The following DLGAP2 variants were observed in gnomAD, a reference collection of about 807,000 sequenced individuals.
The protein encoded by DLGAP2 is DLG associated protein 2.
In DLGAP2, 26 loss-of-function variants were observed where a neutral mutation model predicts 100.3. The ratio of observed to expected loss-of-function variants is 0.26; its 90% CI spans 0.19 to 0.36. The LOEUF (loss-of-function observed/expected upper bound fraction) is 0.36, where lower values mean the gene tolerates loss of function less well. Among genes scored for constraint, DLGAP2 ranks in the 10% least tolerant of loss-of-function variants. The pLI is 1.00. For missense variants in DLGAP2, 1,858 were observed against 1,453.2 expected, an observed-to-expected ratio of 1.28 and a Z score of -4.53; for synonymous variants, 886 against 630.1, an observed-to-expected ratio of 1.41 and a Z score of -6.08.
chr8:1,076,093 C>T (rs995822679), intron 2 of DLGAP2, among the ~76,000 whole-genome samples: 7 of 152,054 alleles, frequency 4.6e-5, no homozygotes, highest in African/African-American at 1.7e-4. Context: ...TTCACAACAA[C>T]GTTATCTAGA....
At chr8:808,559 G>C (rs1457585972) in intron 1 of DLGAP2, among the ~76,000 whole-genome samples, 1 of 152,190 alleles carries the variant, frequency 6.6e-6, no homozygotes, top group Non-Finnish European at 1.5e-5. Flanking sequence ...GGGTGGGGTT[G>C]GTGCCTCTAG....
At chr8:1,166,870 A>C (rs1016267045) in intron 2 of DLGAP2, among the ~76,000 whole-genome samples, 3 of 152,192 alleles carry the variant, frequency 2.0e-5, no homozygotes, top group Non-Finnish European at 2.9e-5. Context: ...TAAGTAGCTT[A>C]TGAATTTTGA....
intron 2 of DLGAP2, among the ~76,000 whole-genome samples, chr8:920,840 C>A (rs2129001395): frequency 6.6e-6 from 1 of 152,272 alleles, no homozygotes; most frequent in East Asian, 1.9e-4. Flanking sequence ...TTCAGATACA[C>A]TTTGCCCGAA....
chr8:1,537,982 G>C (rs1435555171), intron 4 of DLGAP2, among the ~76,000 whole-genome samples: 1 of 152,152 alleles, frequency 6.6e-6, no homozygotes, highest in African/African-American at 2.4e-5. Context: ...GGAAGATACT[G>C]CGGGGGGAAC....
At position 1,260,339 on chromosome 8, in the gene DLGAP2, A is replaced by T. The variant is rs559017073; in HGVS notation, c.106+1456A>T. On this transcript the variant is annotated intron_variant, in intron 3 of 14. Transcript: ENST00000637795. ...CGAGAGTTTTCAGTGTGTGAGAGAA[A>T]TTGTGAAATATAAAACCTTGTAAAT... Among the ~76,000 whole-genome samples, 31 of 152,122 alleles carry T rather than the reference A, an allele frequency of 2.0e-4. No individual in the cohort carries two copies. The South Asian group carries it at 6.4e-3, about 32-fold the overall frequency.
chr8:1,286,225 G>A (rs567854773), intron 3 of DLGAP2, among the ~76,000 whole-genome samples: 4 of 152,248 alleles, frequency 2.6e-5, no homozygotes, highest in Admixed American at 6.5e-5. Context: ...CTCTCCTGCC[G>A]CCCTTGTGAA....
At chr8:1,168,105 C>G (rs1316309651) in intron 2 of DLGAP2, among the ~76,000 whole-genome samples, 1 of 138,594 alleles carries the variant, frequency 7.2e-6, no homozygotes, top group Non-Finnish European at 1.5e-5. Flanking sequence ...TTGTTCAGTT[C>G]CCACCTATGA....
chr8:1,109,218 A>G (rs1212470429), intron 2 of DLGAP2, among the ~76,000 whole-genome samples: 1 of 4,580 alleles, frequency 2.2e-4, no homozygotes, highest in Non-Finnish European at 3.4e-4. Context: ...AGTGTGCTGG[A>G]TCTGTGAGGT....
At chr8:1,457,748 C>T (rs996611753) in intron 3 of DLGAP2, among the ~76,000 whole-genome samples, 23 of 152,020 alleles carry the variant, frequency 1.5e-4, no homozygotes, top group East Asian at 3.9e-4. Flanking sequence ...ACACCTCCCC[C>T]GTCCCACGCC....
chr8:1,315,622 GC>G, intron 3 of DLGAP2, among the ~76,000 whole-genome samples: 1 of 139,772 alleles, frequency 7.2e-6, no homozygotes, highest in African/African-American at 2.6e-5. Context: ...AAACTCGGCA[GC>G]TTTTAAAAAT....
chr8:1,170,410 G>T (rs2116675125), intron 2 of DLGAP2, among the ~76,000 whole-genome samples: 1 of 152,246 alleles, frequency 6.6e-6, no homozygotes, highest in South Asian at 2.1e-4. Context: ...AATGAGTTAG[G>T]GAGGATTCCC....
chr8:1,355,149 C>T (rs936512572), intron 3 of DLGAP2, among the ~76,000 whole-genome samples: 9 of 152,218 alleles, frequency 5.9e-5, no homozygotes, highest in South Asian at 4.1e-4. Flanking sequence ...GTGGCAAAGC[C>T]GAGCAGAAAG....
intron 3 of DLGAP2, among the ~76,000 whole-genome samples, chr8:1,417,040 C>G (rs1179190367): frequency 1.2e-5 from 1 of 81,400 alleles, no homozygotes; most frequent in Non-Finnish European, 2.5e-5. Context: ...TCAGCGGTCC[C>G]GCCCCACACT....
intron 2 of DLGAP2, among the ~76,000 whole-genome samples, chr8:1,227,135 T>C (rs1798432180): frequency 1.0e-5 from 1 of 99,414 alleles, no homozygotes; most frequent in Admixed American, 9.4e-5. Flanking sequence ...AACAAATGAA[T>C]GGGTAAGGAA....
Position 873,467 on chromosome 8 carries a change from C to T in DLGAP2, c.19-34445C>T, listed in dbSNP as rs564935730. 7.0e-4 allele frequency among the ~76,000 whole-genome samples: 107 copies of T among 152,278 alleles called. 4 individuals are homozygous for T. The South Asian group carries it at 0.018, about 26-fold the overall frequency. On this transcript the variant is annotated intron_variant, in intron 1 of 14. Coordinates refer to ENST00000637795, the MANE Select transcript of DLGAP2 (RefSeq NM_001346810.2). ...AGTATGACGTTAGTTATGTGGTTTTCATAGATGCCTTTTATTAAGTCAAGG... is the reference window on the plus strand; with the variant it reads ...AGTATGACGTTAGTTATGTGGTTTTTATAGATGCCTTTTATTAAGTCAAGG...
intron 3 of DLGAP2, among the ~76,000 whole-genome samples, chr8:1,457,591 A>T (rs1217124627): frequency 2.0e-5 from 3 of 152,216 alleles, no homozygotes; most frequent in African/African-American, 7.2e-5. Context: ...AACCAGCTTC[A>T]TTTTGAAATA....
intron 3 of DLGAP2, chr8:1,301,264 G>C (rs1800331818): frequency 6.6e-6 from 1 of 152,132 alleles, no homozygotes; most frequent in South Asian, 2.1e-4. Context: ...ACCCTGTCCT[G>C]ACAGCACCAC....
chr8:1,195,577 A>G (rs1290711878), intron 2 of DLGAP2, among the ~76,000 whole-genome samples: 1 of 152,240 alleles, frequency 6.6e-6, no homozygotes, highest in Non-Finnish European at 1.5e-5. Context: ...TTAAAAACAT[A>G]TAATTCTTAA....
intron 4 of DLGAP2, among the ~76,000 whole-genome samples, chr8:1,510,481 G>A (rs141155134): frequency 2.0e-5 from 3 of 152,236 alleles, no homozygotes; most frequent in African/African-American, 7.2e-5. Flanking sequence ...GGATGGGAAG[G>A]TCCAGTTTTG....
Sources: allele counts gnomAD v4.1 joint callset (sites outside exome capture counted in the v4.1 genomes callset), GRCh38; gene constraint gnomAD v4.1.1; transcripts MANE v1.5; gene names NCBI Gene and HGNC (gene_info 2026-07-23, HGNC 2026-07-21).